Variants in NPC1 observed in about 807,000 individuals in gnomAD.
NPC1 encodes the protein Niemann-Pick C1 protein.
A neutral mutation model predicts 140.4 loss-of-function variants in NPC1; 85 were observed. The observed-to-expected ratio is 0.61, with a 90% CI of 0.51 to 0.72. NPC1 has a LOEUF of 0.72. NPC1 is among the 30% of genes least tolerant of loss of function. The pLI is 0.00. For synonymous variants in NPC1, 656 were observed against 624.8 expected, an observed-to-expected ratio of 1.05 and a Z score of -0.74; for missense variants, 1,504 against 1,623.8, an observed-to-expected ratio of 0.93 and a Z score of 1.27.
chr18:23,544,314 G>GCTGA (rs1246328294), intron 13 of NPC1, 30 bp downstream of exon 13: 1 of 1,606,896 alleles, frequency 6.2e-7, no homozygotes, highest in Non-Finnish European at 8.5e-7. Context: ...TTGAACAGAT[G>GCTGA]CTGAGCCCTG....
chr18:23,520,339 TGTG>T (rs1260196131), downstream of NPC1: 5 of 1,554,532 alleles, frequency 3.2e-6, no homozygotes, highest in African/African-American at 5.4e-5. Flanking sequence ...TAGAGGAGTC[TGTG>T]CTGCCCTTTC....
chr18:23,567,991 T>C (rs1464511215), intron 4 of NPC1, among the ~76,000 whole-genome samples: 1 of 152,234 alleles, frequency 6.6e-6, no homozygotes, highest in Non-Finnish European at 1.5e-5. Flanking sequence ...CTGCTTTTCC[T>C]CTCCTGTCTA....
At chr18:23,526,594 G>A (rs1567931306), downstream of NPC1, 7 of 1,601,714 alleles carry the variant, frequency 4.4e-6, no homozygotes, top group East Asian at 4.5e-5. Flanking sequence ...CTTTTGTTAC[G>A]GTTTGCATCA....
chr18:23,531,415 G>C, downstream of NPC1: 6 of 1,015,952 alleles, frequency 5.9e-6, no homozygotes, highest in South Asian at 1.3e-4. Context: ...ACGGCATTTA[G>C]TTACCATAAG....
chr18:23,570,277 T>C (rs77353258), intron 3 of NPC1, among the ~76,000 whole-genome samples: 2,228 of 152,372 alleles, frequency 0.015, 54 homozygotes, highest in African/African-American at 0.051. Context: ...TTTGCTATTA[T>C]AAATCAAGCT....
rs146660434 is a variant in NPC1, at chr18:23,574,607, A to T, written c.58-1033T>A. ...TCCCTGAAGCCCAAAAACATGAGAA[A>T]AAGTCAGCAGGAGATTGGGATTTGT... On this transcript the variant is annotated intron_variant, in intron 1 of 24. Transcript: ENST00000269228. Among the ~76,000 whole-genome samples the T allele has an allele frequency of 1.5e-4, 23 of 152,316 alleles. 1 individual carries two copies. In the East Asian group the frequency reaches 4.4e-3, roughly 29 times the overall value.
At chr18:23,527,734 G>T, downstream of NPC1, 1 of 1,358,662 alleles carries the variant, frequency 7.4e-7, no homozygotes, top group South Asian at 1.2e-5. Flanking sequence ...AGCAACGTGT[G>T]GAAATTCTGA....
At chr18:23,516,611 T>C (rs2058012483) in intron 3 of NPC1, among the ~76,000 whole-genome samples, 1 of 152,254 alleles carries the variant, frequency 6.6e-6, no homozygotes, top group African/African-American at 2.4e-5. Flanking sequence ...TTGGCATTCC[T>C]TTTTGATTTT....
At chr18:23,526,942 T>C (rs1360132255), downstream of NPC1, among the ~76,000 whole-genome samples, 1 of 152,166 alleles carries the variant, frequency 6.6e-6, no homozygotes, top group Non-Finnish European at 1.5e-5. Context: ...AAAGATGATT[T>C]GTAGAGATAC....
In NPC1 at chr18:23,585,684, A is replaced by G. The variant is rs1032465517; in HGVS notation, c.57+603T>C. On this transcript the variant is annotated intron_variant, in intron 1 of 24. Coordinates refer to ENST00000269228, the MANE Select transcript of NPC1 (RefSeq NM_000271.5). ...AGCAGGACACCGAGTTCCAGGCCCC[A>G]TCCTGTCGCTGGCTAATAGTGACAA... 4.6e-5 allele frequency among the ~76,000 whole-genome samples: 7 copies of G among 152,298 alleles called. No homozygotes were observed. In the South Asian group the frequency reaches 1.4e-3, roughly 32 times the overall value.
intron 3 of NPC1, among the ~76,000 whole-genome samples, chr18:23,512,067 C>G (rs750809001): frequency 1.7e-4 from 25 of 145,158 alleles, no homozygotes; most frequent in South Asian, 6.5e-4. Flanking sequence ...GTCGCCCAGG[C>G]TGGAGTGCAA....
chr18:23,577,173 G>A (rs1230712331), intron 1 of NPC1, among the ~76,000 whole-genome samples: 4 of 151,464 alleles, frequency 2.6e-5, no homozygotes, highest in African/African-American at 9.7e-5. Flanking sequence ...ACAGAGTGTC[G>A]ACTGGTGCAC....
Position 23,532,237 on chromosome 18 carries a change from T to C in NPC1, c.3802A>G (p.Lys1268Glu), listed in dbSNP as rs988215442. The stretch of plus-strand genomic sequence containing the variant: ...AGAAGCCGTTCGCGCTCTGTTCCTT[T>C]GTATCGCTCTTCAGTGGCACAACTT... Reference protein sequence around the residue: ...AKSCATEERYKGTERERLLNF With the variant: ...AKSCATEERYEGTERERLLNF The change falls in exon 25 of 25, where the codon AAA becomes GAA. Residue 1268 changes from lysine to glutamate, a missense_variant. By Grantham distance (56) the Lys-to-Glu change is moderately conservative. Transcript: ENST00000269228. 4 of 1,614,176 alleles carry C rather than the reference T, an allele frequency of 2.5e-6. No individual in the cohort carries two copies. Among genetic ancestry groups the C allele is most frequent in the Non-Finnish European group, 2.5e-6 (3 of 1,180,044 alleles).
intron 5 of NPC1, 92 bp downstream of exon 5, chr18:23,561,268 T>G: frequency 7.5e-7 from 1 of 1,336,878 alleles, no homozygotes; most frequent in Non-Finnish European, 1.1e-6. Context: ...TGCCTCAGTC[T>G]CCCCAAGCAC....
downstream of NPC1, chr18:23,519,002 C>A (rs1567922963): frequency 6.2e-7 from 1 of 1,613,242 alleles, no homozygotes; most frequent in Admixed American, 1.7e-5. Flanking sequence ...CTTTGTTTTC[C>A]CTCTCTCTCT....
rs1214520774 is a variant in NPC1 at position 23,545,004 on chromosome 18, T to C, written c.1903A>G (p.Ile635Val). Residue 635 changes from isoleucine (I) to valine (V), a missense_variant, in exon 12 of 25, where the codon ATT (isoleucine) becomes GTT (valine). By Grantham distance (29) the Ile-to-Val change is conservative. Coordinates refer to ENST00000269228, the MANE Select transcript of NPC1 (RefSeq NM_000271.5). ...VISYAIMFLY[I>V]SLALGHMKSC... The stretch of plus-strand genomic sequence containing the variant: ...TTCATGTGCCCCAAGGCTAGGGAAA[T>C]ATATAGAAACATGATGGCATAGCTA... The C allele has an allele frequency of 6.7e-7, 1 of 1,488,786 alleles. No individual in the cohort carries two copies. Among genetic ancestry groups the C allele is most frequent in the Admixed American group, 1.9e-5 (1 of 52,544 alleles). 92.2% of individuals were successfully genotyped at this position (1,488,786 alleles called of 1,614,324 possible). A position where few individuals can be genotyped will look rare whatever the true frequency, so the allele number is the denominator to read the frequency against.
chr18:23,518,393 G>A (rs1218078124), downstream of NPC1, among the ~76,000 whole-genome samples: 4 of 152,152 alleles, frequency 2.6e-5, no homozygotes, highest in Middle Eastern at 3.2e-3. Context: ...TGGGGAGGCT[G>A]AGGTGAGGGA....
chr18:23,538,808 T>C, intron 19 of NPC1, 137 bp from the exon 20 acceptor site: 1 of 895,208 alleles, frequency 1.1e-6, no homozygotes, highest in Non-Finnish European at 1.8e-6. Context: ...GGATAATCTT[T>C]CCCCTTATCT....
downstream of NPC1, among the ~76,000 whole-genome samples, chr18:23,520,920 G>A (rs1302108593): frequency 1.3e-5 from 2 of 152,232 alleles, no homozygotes; most frequent in Admixed American, 6.5e-5. Flanking sequence ...GTTTCACCAT[G>A]TTGGCCAGGC....
Sources: allele counts gnomAD v4.1 joint callset (sites outside exome capture counted in the v4.1 genomes callset), GRCh38; gene constraint gnomAD v4.1.1; transcripts MANE v1.5; gene names NCBI Gene and HGNC (gene_info 2026-07-23, HGNC 2026-07-21).